The following GOLGA4 variants were observed in gnomAD, a reference collection of about 807,000 sequenced individuals.
GOLGA4 encodes golgin subfamily A member 4.
A neutral mutation model predicts 265.9 loss-of-function variants in GOLGA4; 169 were observed. That is an observed-to-expected ratio of 0.64 (90% CI 0.56 to 0.72). The LOEUF (loss-of-function observed/expected upper bound fraction) is 0.72. Ranked by LOEUF, GOLGA4 falls within the 30% of genes least tolerant of loss-of-function variation. The pLI, the probability that GOLGA4 is intolerant of heterozygous loss-of-function variation, is 0.00. For missense variants in GOLGA4, 2,482 were observed against 2,483.4 expected (o/e 1.00, Z 0.01); for synonymous variants, 923 against 855.8 (o/e 1.08, Z -1.37).
intron 10 of GOLGA4, among the ~76,000 whole-genome samples, 191 bp downstream of exon 10, chr3:37,302,523 A>T (rs1035235119): frequency 3.3e-5 from 5 of 152,278 alleles, no homozygotes; most frequent in African/African-American, 4.8e-5. Flanking sequence ...GATCCAGCCC[A>T]CAGCCTATTT....
intron 9 of GOLGA4, 122 bp from the exon 10 acceptor site, chr3:37,302,063 A>G (rs1387851927): frequency 1.1e-5 from 9 of 789,994 alleles, no homozygotes; most frequent in East Asian, 2.7e-5. Context: ...TGCTGGGATT[A>G]TGGACATGAG....
At chr3:37,305,301 A>C (rs1433340411) in intron 10 of GOLGA4, among the ~76,000 whole-genome samples, 1 of 152,216 alleles carries the variant, frequency 6.6e-6, no homozygotes, top group Non-Finnish European at 1.5e-5. Flanking sequence ...ATTTCTTAAA[A>C]ATTATATTTG....
chr3:37,306,565 T>C (rs561027438), intron 10 of GOLGA4, among the ~76,000 whole-genome samples: 38 of 148,594 alleles, frequency 2.6e-4, no homozygotes, highest in African/African-American at 8.0e-4. Flanking sequence ...GAGATAGGGG[T>C]AGCTAATTAT....
chr3:37,244,708 C>A lies in GOLGA4; in HGVS notation c.72+1086C>A, dbSNP rs548603870. Among the ~76,000 whole-genome samples the A allele has an allele frequency of 4.6e-5, 7 of 152,242 alleles. No homozygotes were observed. The South Asian group carries it at 8.3e-4, about 18-fold the overall frequency. ...TCTGAAACTATAAATTGAAGTTGTT[C>A]TTTTTAAATGTAAAGCTCATGTGTA... On this transcript the variant is annotated intron_variant, in intron 1 of 23. Transcript: ENST00000361924.
intron 16 of GOLGA4, among the ~76,000 whole-genome samples, chr3:37,332,981 C>T (rs990468313): frequency 6.6e-6 from 1 of 152,192 alleles, no homozygotes; most frequent in Non-Finnish European, 1.5e-5. Flanking sequence ...TGTCCTCTCC[C>T]TTAGACTATA....
chr3:37,313,159 C>T (rs1002614174), intron 10 of GOLGA4, among the ~76,000 whole-genome samples: 30 of 151,988 alleles, frequency 2.0e-4, no homozygotes, highest in African/African-American at 6.5e-4. Context: ...GGGGAGATCG[C>T]GCCACTGCAC....
Position 37,274,099 on chromosome 3 carries a change from C to CAAAA in GOLGA4, c.163-7845_163-7842dup, listed in dbSNP as rs34797146. Among the ~76,000 whole-genome samples the CAAAA allele has an allele frequency of 5.4e-3, 555 of 101,930 alleles. 5 individuals are homozygous for CAAAA. The highest frequency in any genetic ancestry group is 9.1e-3 in the Admixed American group (86 of 9,418). 66.9% of individuals were successfully genotyped at this position (101,930 alleles called of 152,430 possible). On this transcript the variant is annotated intron_variant, in intron 2 of 23. Transcript: ENST00000361924. ...TGAGCAACAGAGTGAGGCTCTGTCT[C>CAAAA]AAAAAAAAAAAAAAAAAGATAATAA...
intron 11 of GOLGA4, among the ~76,000 whole-genome samples, chr3:37,316,046 G>C (rs1404875612): frequency 1.3e-5 from 2 of 152,130 alleles, no homozygotes; most frequent in Non-Finnish European, 2.9e-5. Context: ...AATATAGATA[G>C]ACCTCACTTT....
intron 7 of GOLGA4, among the ~76,000 whole-genome samples, chr3:37,297,259 C>G (rs772022013): frequency 6.6e-6 from 1 of 152,124 alleles, no homozygotes; most frequent in African/African-American, 2.4e-5. Flanking sequence ...TTATGATAAA[C>G]TTGGAGTAAG....
chr3:37,279,900 A>G (rs1294174408), intron 2 of GOLGA4, among the ~76,000 whole-genome samples: 5 of 149,308 alleles, frequency 3.3e-5, no homozygotes, highest in African/African-American at 4.9e-5. Flanking sequence ...GAGAAAGACT[A>G]TTGTCTCAAA....
chr3:37,302,452 A>G (rs1437974731), intron 10 of GOLGA4, 120 bp downstream of exon 10: 7 of 852,254 alleles, frequency 8.2e-6, no homozygotes, highest in Non-Finnish European at 1.2e-5. Flanking sequence ...GAGGCTCCTA[A>G]TAAGACACCC....
At chr3:37,275,500 A>G (rs535630775) in intron 2 of GOLGA4, among the ~76,000 whole-genome samples, 29 of 152,288 alleles carry the variant, frequency 1.9e-4, no homozygotes, top group African/African-American at 6.5e-4. Context: ...ACAGCACTGT[A>G]CAGAACATAT....
intron 5 of GOLGA4, among the ~76,000 whole-genome samples, chr3:37,290,092 G>C (rs1642430852): frequency 6.6e-6 from 1 of 152,134 alleles, no homozygotes; most frequent in Admixed American, 6.6e-5. Flanking sequence ...TATTCTAACT[G>C]TGTAATTTAT....
chr3:37,287,078 C>T (rs1038063079), intron 4 of GOLGA4, among the ~76,000 whole-genome samples: 10 of 152,308 alleles, frequency 6.6e-5, no homozygotes, highest in East Asian at 5.8e-4. Context: ...TGGTGGCTCA[C>T]GCCTGTAATC....
chr3:37,276,096 G>C, intron 2 of GOLGA4: 1 of 1,611,762 alleles, frequency 6.2e-7, no homozygotes, highest in Non-Finnish European at 8.5e-7. Context: ...CGGGCACCAA[G>C]CACTTCTGAT....
At chr3:37,344,364 A>G (rs1234406425) in intron 20 of GOLGA4, among the ~76,000 whole-genome samples, 5 of 152,166 alleles carry the variant, frequency 3.3e-5, no homozygotes, top group Non-Finnish European at 5.9e-5. Flanking sequence ...GGCCTCCCAA[A>G]GTGCTGGGTC....
intron 1 of GOLGA4, among the ~76,000 whole-genome samples, chr3:37,245,086 T>TA (rs572284216): frequency 3.9e-5 from 6 of 152,256 alleles, no homozygotes; most frequent in Non-Finnish European, 5.9e-5. Context: ...AATGTTGTTT[T>TA]AATAGGTTAA....
rs1256636279 is a variant in GOLGA4, at chr3:37,366,275, G to A, written c.*229G>A. ...TAGATTTTATCAGTGGAGAAATGGTGATAGTTTTTTCTTCAGTTTTCTCTT... is the reference window on the plus strand; with the variant it reads ...TAGATTTTATCAGTGGAGAAATGGTAATAGTTTTTTCTTCAGTTTTCTCTT... On this transcript the variant is annotated 3_prime_UTR_variant, in exon 24 of 24. Transcript: ENST00000361924. 8.9e-6 allele frequency: 4 copies of A among 449,940 alleles called. No homozygotes were observed. The highest frequency in any genetic ancestry group is 1.6e-5 in the Non-Finnish European group (4 of 257,700). 27.9% of individuals were successfully genotyped at this position (449,940 alleles called of 1,614,324 possible). A position where few individuals can be genotyped will look rare whatever the true frequency, so the allele number is the denominator to read the frequency against.
In GOLGA4 at chr3:37,361,321, T is replaced by A; in HGVS notation, c.*33+16T>A. On this transcript the variant is annotated intron_variant, in intron 23 of 23. Transcript: ENST00000361924. ...TTAACATGTGGTGAGTGAAGAACAA[T>A]GTCTTGTGTCTTTTGTGCAAAAATC... 1.3e-6 allele frequency: 2 copies of A among 1,584,084 alleles called. No individual in the cohort carries two copies. Among genetic ancestry groups the A allele is most frequent in the Non-Finnish European group, 1.7e-6 (2 of 1,153,490 alleles).
Sources: allele counts gnomAD v4.1 joint callset (sites outside exome capture counted in the v4.1 genomes callset), GRCh38; gene constraint gnomAD v4.1.1; transcripts MANE v1.5; gene names NCBI Gene and HGNC (gene_info 2026-07-23, HGNC 2026-07-21).